PTPRK: variants seen among roughly 807,000 people sequenced by gnomAD.
PTPRK encodes protein tyrosine phosphatase receptor type K.
In PTPRK, 75 loss-of-function variants were observed where a neutral mutation model predicts 178.0. The ratio of observed to expected loss-of-function variants is 0.42; its 90% CI spans 0.35 to 0.51. The LOEUF (loss-of-function observed/expected upper bound fraction) is 0.51, where lower values mean the gene tolerates loss of function less well. Ranked by LOEUF, PTPRK falls within the 20% of genes least tolerant of loss-of-function variation. PTPRK has a pLI of 0.02. For missense variants in PTPRK, 1,441 were observed against 1,797.8 expected, an observed-to-expected ratio of 0.80 and a Z score of 3.59; for synonymous variants, 637 against 620.6, an observed-to-expected ratio of 1.03 and a Z score of -0.39.
At chr6:127,987,477 C>A (rs1267944622) in intron 21 of PTPRK, among the ~76,000 whole-genome samples, 1 of 151,856 alleles carries the variant, frequency 6.6e-6, no homozygotes, top group Non-Finnish European at 1.5e-5. Context: ...TATTTTGGCA[C>A]TTTGTATTTT....
chr6:128,333,751 C>T (rs1032175528), intron 2 of PTPRK, among the ~76,000 whole-genome samples: 1 of 152,162 alleles, frequency 6.6e-6, no homozygotes, highest in African/African-American at 2.4e-5. Flanking sequence ...TCTGGGTGTT[C>T]ACTGGAGTAG....
chr6:128,211,286 T>C (rs1012517314), intron 6 of PTPRK, among the ~76,000 whole-genome samples: 1 of 152,168 alleles, frequency 6.6e-6, no homozygotes, highest in Non-Finnish European at 1.5e-5. Context: ...TGTTACAATA[T>C]TTCCCTTTTT....
chr6:128,353,630 T>C (rs182259112), intron 2 of PTPRK, among the ~76,000 whole-genome samples: 1 of 152,306 alleles, frequency 6.6e-6, no homozygotes, highest in East Asian at 1.9e-4. Context: ...TATACATACA[T>C]ACATACATAT....
At chr6:128,112,985 TATG>T (rs896322585) in intron 7 of PTPRK, among the ~76,000 whole-genome samples, 1 of 152,138 alleles carries the variant, frequency 6.6e-6, no homozygotes, top group African/African-American at 2.4e-5. Flanking sequence ...TCATCCTGCA[TATG>T]ATAGTTGTTC....
intron 7 of PTPRK, among the ~76,000 whole-genome samples, chr6:128,109,915 G>A (rs1047515684): frequency 1.3e-5 from 2 of 151,870 alleles, no homozygotes; most frequent in Non-Finnish European, 2.9e-5. Flanking sequence ...TTTTGGGGGG[G>A]GAGGAGGAGA....
chr6:128,127,514 T>C (rs1480746764), intron 7 of PTPRK, among the ~76,000 whole-genome samples: 1 of 152,222 alleles, frequency 6.6e-6, no homozygotes, highest in Admixed American at 6.5e-5. Flanking sequence ...TGCACTGTAT[T>C]AGCTTTATAC....
intron 7 of PTPRK, among the ~76,000 whole-genome samples, chr6:128,181,137 T>C (rs1001930759): frequency 6.6e-6 from 1 of 152,094 alleles, no homozygotes; most frequent in South Asian, 2.1e-4. Context: ...CAAAAAAACC[T>C]ACATTTACAT....
At chr6:128,197,789 CATT>C (rs1220034442) in intron 6 of PTPRK, among the ~76,000 whole-genome samples, 1 of 152,020 alleles carries the variant, frequency 6.6e-6, no homozygotes, top group African/African-American at 2.4e-5. Flanking sequence ...CACAAAATAA[CATT>C]AGTCACTGCA....
intron 1 of PTPRK, among the ~76,000 whole-genome samples, chr6:128,454,950 C>A (rs965781752): frequency 1.3e-5 from 2 of 151,982 alleles, no homozygotes; most frequent in Non-Finnish European, 2.9e-5. Flanking sequence ...AATAAGGATT[C>A]CTCTGGGGAT....
chr6:128,115,962 C>T (rs2114366058), intron 7 of PTPRK, among the ~76,000 whole-genome samples: 1 of 152,242 alleles, frequency 6.6e-6, no homozygotes, highest in Non-Finnish European at 1.5e-5. Flanking sequence ...TAAACACCCT[C>T]TCCACTTCAC....
chr6:128,053,446 C>G (rs1406983583), intron 13 of PTPRK, among the ~76,000 whole-genome samples: 1 of 152,072 alleles, frequency 6.6e-6, no homozygotes, highest in Non-Finnish European at 1.5e-5. Context: ...TCTGACTCCC[C>G]ACCCCCAAGC....
At chr6:128,000,226 A>G in intron 15 of PTPRK, 1 of 1,137,852 alleles carries the variant, frequency 8.8e-7, no homozygotes, top group Non-Finnish European at 1.1e-6. Context: ...ATTAACAGAT[A>G]AACATATTTC....
intron 7 of PTPRK, among the ~76,000 whole-genome samples, chr6:128,121,732 G>T (rs1200698232): frequency 6.6e-6 from 1 of 151,932 alleles, no homozygotes; most frequent in African/African-American, 2.4e-5. Flanking sequence ...CAAATGTTGA[G>T]TGAATTTTAA....
intron 3 of PTPRK, among the ~76,000 whole-genome samples, chr6:128,297,040 C>G (rs938632033): frequency 2.6e-5 from 4 of 150,992 alleles, no homozygotes; most frequent in Non-Finnish European, 5.9e-5. Flanking sequence ...ATCTACCAAG[C>G]AAATGGAAAA....
intron 7 of PTPRK, among the ~76,000 whole-genome samples, chr6:128,117,214 G>T (rs1229884025): frequency 6.6e-6 from 1 of 152,116 alleles, no homozygotes; most frequent in East Asian, 1.9e-4. Context: ...CTATGTTGAT[G>T]AACAAGGATA....
At chr6:127,996,824 T>G in intron 17 of PTPRK, 77 bp downstream of exon 17, 2 of 1,498,058 alleles carry the variant, frequency 1.3e-6, no homozygotes, top group Non-Finnish European at 1.8e-6. Flanking sequence ...CACACCACTC[T>G]CTGGGATTTT....
chr6:128,154,178 T>G (rs1037348069), intron 7 of PTPRK, among the ~76,000 whole-genome samples: 1 of 151,758 alleles, frequency 6.6e-6, no homozygotes, highest in Non-Finnish European at 1.5e-5. Context: ...GCATGTCACA[T>G]CTTATCTGTT....
intron 5 of PTPRK, among the ~76,000 whole-genome samples, chr6:128,224,973 T>C (rs531525760): frequency 6.6e-6 from 1 of 152,322 alleles, no homozygotes; most frequent in South Asian, 2.1e-4. Flanking sequence ...GGACTTTTTG[T>C]TAAATGAAAT....
At chr6:128,106,040 A>G (rs1381784032) in intron 7 of PTPRK, among the ~76,000 whole-genome samples, 2 of 152,232 alleles carry the variant, frequency 1.3e-5, no homozygotes, top group East Asian at 3.8e-4. Context: ...ATCAGACTAC[A>G]GGTAACTTAG....
Sources: allele counts gnomAD v4.1 joint callset (sites outside exome capture counted in the v4.1 genomes callset), GRCh38; gene constraint gnomAD v4.1.1; transcripts MANE v1.5; gene names NCBI Gene and HGNC (gene_info 2026-07-23, HGNC 2026-07-21).